LINGO2: variants seen among roughly 807,000 people sequenced by gnomAD.
LINGO2 encodes the protein leucine-rich repeat and immunoglobulin-like domain-containing nogo receptor-interacting protein 2.
Under a neutral mutation model 30.6 loss-of-function variants are expected in LINGO2, and 14 were observed. The observed-to-expected ratio is 0.46, with a 90% CI of 0.30 to 0.72. The LOEUF (loss-of-function observed/expected upper bound fraction) is 0.72. Among genes scored for constraint, LINGO2 ranks in the 30% least tolerant of loss-of-function variants. LINGO2 has a pLI of 0.07. For missense variants in LINGO2, 729 were observed against 751.7 expected (o/e 0.97, Z 0.35); for synonymous variants, 317 against 288.5 (o/e 1.10, Z -1.00).
At chr9:28,845,680 CAA>C in the LINGO2 span, among the ~76,000 whole-genome samples, 1 of 151,358 alleles carries the variant, frequency 6.6e-6, no homozygotes, top group Admixed American at 6.6e-5. Context: ...TATATATATA[CAA>C]GAGTATTCAA....
At chr9:28,547,217 G>A (rs2135485856) in intron 1 of LINGO2, among the ~76,000 whole-genome samples, 1 of 152,174 alleles carries the variant, frequency 6.6e-6, no homozygotes, top group African/African-American at 2.4e-5. Context: ...ACTACTATGT[G>A]AAAAGGGTAC....
the LINGO2 span, among the ~76,000 whole-genome samples, chr9:29,036,827 T>C: frequency 6.6e-6 from 1 of 152,020 alleles, no homozygotes; most frequent in South Asian, 2.1e-4. Context: ...TAAAAATATA[T>C]ATACTGCTTT....
At chr9:28,811,520 T>A in the LINGO2 span, among the ~76,000 whole-genome samples, 49 of 152,198 alleles carry the variant, frequency 3.2e-4, no homozygotes, top group Non-Finnish European at 5.6e-4. Flanking sequence ...AAGCCCTGTA[T>A]AATAATCTGT....
the LINGO2 span, among the ~76,000 whole-genome samples, chr9:28,766,624 C>T: frequency 6.6e-6 from 1 of 151,978 alleles, no homozygotes; most frequent in African/African-American, 2.4e-5. Flanking sequence ...TCTCTGTTCT[C>T]CCTGTTAATG....
chr9:28,798,776 T>G, the LINGO2 span, among the ~76,000 whole-genome samples: 1 of 151,840 alleles, frequency 6.6e-6, no homozygotes, highest in Non-Finnish European at 1.5e-5. Flanking sequence ...CTTCCCAAAA[T>G]GAAGCAAGCA....
intron 3 of LINGO2, among the ~76,000 whole-genome samples, chr9:28,312,552 A>G (rs1824671074): frequency 6.6e-6 from 1 of 152,176 alleles, no homozygotes; most frequent in Non-Finnish European, 1.5e-5. Context: ...ACATGCAGAG[A>G]GTACTGTGTA....
chr9:28,873,774 G>C, the LINGO2 span, among the ~76,000 whole-genome samples: 1 of 151,982 alleles, frequency 6.6e-6, no homozygotes, highest in Non-Finnish European at 1.5e-5. Flanking sequence ...TTATTTAGTA[G>C]TTCTCAAACC....
chr9:28,861,792 A>T, the LINGO2 span, among the ~76,000 whole-genome samples: 1 of 151,906 alleles, frequency 6.6e-6, no homozygotes, highest in Non-Finnish European at 1.5e-5. Flanking sequence ...TACACTAAAA[A>T]TTAATTCATT....
At chr9:28,003,009 C>T (rs1445132238) in intron 5 of LINGO2, among the ~76,000 whole-genome samples, 1 of 151,858 alleles carries the variant, frequency 6.6e-6, no homozygotes. Context: ...CCACCTGTGA[C>T]CCCCAAATGG....
At chr9:27,986,881 T>C (rs983956345) in intron 5 of LINGO2, among the ~76,000 whole-genome samples, 1 of 151,860 alleles carries the variant, frequency 6.6e-6, no homozygotes, top group Non-Finnish European at 1.5e-5. Context: ...TGTTCTACTA[T>C]CCAAGAAGAG....
chr9:29,146,216 C>T, the LINGO2 span, among the ~76,000 whole-genome samples: 9 of 152,016 alleles, frequency 5.9e-5, no homozygotes, highest in Non-Finnish European at 1.3e-4. Context: ...ATTAGCTAAG[C>T]GTGGTGGCAG....
At chr9:27,956,278 A>G (rs947771051) in intron 5 of LINGO2, among the ~76,000 whole-genome samples, 1 of 152,066 alleles carries the variant, frequency 6.6e-6, no homozygotes, top group Non-Finnish European at 1.5e-5. Context: ...TTGTGGGACT[A>G]TATTATCTCT....
chr9:28,033,667 A>G (rs995979626), intron 4 of LINGO2, among the ~76,000 whole-genome samples: 4 of 152,196 alleles, frequency 2.6e-5, no homozygotes, highest in African/African-American at 4.8e-5. Flanking sequence ...AATTACTTCA[A>G]AATTTTTTGC....
the LINGO2 span, among the ~76,000 whole-genome samples, chr9:28,752,016 T>A: frequency 6.6e-6 from 1 of 152,056 alleles, no homozygotes; most frequent in Non-Finnish European, 1.5e-5. Context: ...CATATTATAA[T>A]TTATATTCAA....
the LINGO2 span, among the ~76,000 whole-genome samples, chr9:28,799,104 G>T: frequency 6.6e-6 from 1 of 152,048 alleles, no homozygotes; most frequent in South Asian, 2.1e-4. Flanking sequence ...TTGGCAGAGA[G>T]AAGTAAAGAC....
intron 1 of LINGO2, among the ~76,000 whole-genome samples, chr9:28,526,977 GA>G (rs1821061808): frequency 6.6e-6 from 1 of 152,036 alleles, no homozygotes; most frequent in African/African-American, 2.4e-5. Context: ...ATCTTTTTAT[GA>G]ATTAAATATT....
chr9:28,313,883 A>C (rs996147481), intron 3 of LINGO2, among the ~76,000 whole-genome samples: 6 of 152,072 alleles, frequency 3.9e-5, no homozygotes, highest in Non-Finnish European at 8.8e-5. Flanking sequence ...ATGTTCATAG[A>C]CTTAGTTGCT....
intron 1 of LINGO2, among the ~76,000 whole-genome samples, chr9:28,479,933 A>AGG (rs1825887270): frequency 2.5e-5 from 3 of 120,500 alleles, no homozygotes; most frequent in African/African-American, 3.9e-5. Flanking sequence ...ATATATATAT[A>AGG]TATATATATA....
the LINGO2 span, among the ~76,000 whole-genome samples, chr9:28,709,923 A>G: frequency 3.9e-5 from 6 of 152,036 alleles, no homozygotes; most frequent in African/African-American, 9.6e-5. Flanking sequence ...AATGGTTCAC[A>G]TATATGGAAA....
Sources: allele counts gnomAD v4.1 joint callset (sites outside exome capture counted in the v4.1 genomes callset), GRCh38; gene constraint gnomAD v4.1.1; transcripts MANE v1.5; gene names NCBI Gene and HGNC (gene_info 2026-07-23, HGNC 2026-07-21).